Variants in MOB3B observed in about 807,000 individuals in gnomAD.
MOB3B encodes the protein MOB kinase activator-like 2B.
In MOB3B, 7 loss-of-function variants were observed where a neutral mutation model predicts 18.7. The observed-to-expected ratio is 0.37, with a 90% CI of 0.21 to 0.70. The LOEUF is 0.70. Ranked by LOEUF, MOB3B falls within the 30% of genes least tolerant of loss-of-function variation. The pLI is 0.52. For synonymous variants in MOB3B, 111 were observed against 99.9 expected, an observed-to-expected ratio of 1.11 and a Z score of -0.66; for missense variants, 253 against 281.3, an observed-to-expected ratio of 0.90 and a Z score of 0.72.
chr9:27,483,273 C>T (rs1487974375), intron 1 of MOB3B, among the ~76,000 whole-genome samples: 1 of 151,786 alleles, frequency 6.6e-6, no homozygotes, highest in African/African-American at 2.4e-5. Flanking sequence ...GCTGGGACTA[C>T]AGGCGCCCGC....
intron 1 of MOB3B, among the ~76,000 whole-genome samples, chr9:27,528,039 T>A (rs1820463103): frequency 6.6e-6 from 1 of 152,216 alleles, no homozygotes; most frequent in African/African-American, 2.4e-5. Flanking sequence ...TTGCGTCGTC[T>A]GAGTCCTCTT....
chr9:27,487,153 A>AAATAAATAAATAAATAAATAAATAAAAT (rs1241652908), intron 1 of MOB3B, among the ~76,000 whole-genome samples: 535 of 22,856 alleles, frequency 0.023, 2 homozygotes, highest in African/African-American at 0.033. Flanking sequence ...ATAAATAAAT[A>AAATAAATAAATAAATAAATAAATAAAAT]AAATAAATAA....
rs367956970 is a variant in MOB3B, at chr9:27,335,294, T to C, written c.622-4678A>G. The stretch of plus-strand genomic sequence containing the variant: ...GCTGGGAGGAAACATGGGTGTCACC[T>C]ACTCCAACACTTTAATTTCGGAGAT... On this transcript the variant is annotated intron_variant, in intron 3 of 3. Transcript: ENST00000262244. 3.9e-5 allele frequency among the ~76,000 whole-genome samples: 6 copies of C among 152,216 alleles called. No individual in the cohort carries two copies. The East Asian group carries it at 9.6e-4, about 24-fold the overall frequency.
chr9:27,441,967 C>T (rs1170595722), intron 2 of MOB3B, among the ~76,000 whole-genome samples: 2 of 152,090 alleles, frequency 1.3e-5, no homozygotes, highest in Non-Finnish European at 2.9e-5. Context: ...ACTGAAAATG[C>T]AGAAGCGGAT....
At chr9:27,442,690 T>C (rs970500697) in intron 2 of MOB3B, among the ~76,000 whole-genome samples, 2 of 152,312 alleles carry the variant, frequency 1.3e-5, no homozygotes, top group South Asian at 4.1e-4. Flanking sequence ...CATGCAAGCC[T>C]AAGGTGGCAG....
chr9:27,432,487 A>G (rs1822432005), intron 2 of MOB3B, among the ~76,000 whole-genome samples: 1 of 152,164 alleles, frequency 6.6e-6, no homozygotes, highest in African/African-American at 2.4e-5. Context: ...TATGCCCTGC[A>G]ATGCCTTATC....
At chr9:27,352,217 C>T (rs1587148735) in intron 3 of MOB3B, among the ~76,000 whole-genome samples, 1 of 151,600 alleles carries the variant, frequency 6.6e-6, no homozygotes, top group African/African-American at 2.4e-5. Context: ...CCTGTCTCTA[C>T]AAAAAATTTA....
rs1486754946 is a variant in MOB3B, at chr9:27,367,782, T to C, written c.419-8546A>G. 2.6e-5 allele frequency among the ~76,000 whole-genome samples: 4 copies of C among 152,202 alleles called. No individual in the cohort carries two copies. The South Asian group carries it at 8.3e-4, about 32-fold the overall frequency. ...TGCCTCTTCTCCAAAGGATAAACTC[T>C]TCTTGGAAAGTATACTTGGAAGACA... On this transcript the variant is annotated intron_variant, in intron 2 of 3. Transcript: ENST00000262244.
chr9:27,391,028 A>G (rs1821720603), intron 2 of MOB3B, among the ~76,000 whole-genome samples: 1 of 152,180 alleles, frequency 6.6e-6, no homozygotes, highest in South Asian at 2.1e-4. Context: ...AGTCTACAGC[A>G]TTTTCTTATA....
At chr9:27,335,107 A>G (rs1432360277) in intron 3 of MOB3B, among the ~76,000 whole-genome samples, 2 of 152,240 alleles carry the variant, frequency 1.3e-5, no homozygotes, top group East Asian at 1.9e-4. Flanking sequence ...GCCTGGCCCA[A>G]GAAGCTAATT....
chr9:27,503,775 GA>G (rs1820021043), intron 1 of MOB3B, among the ~76,000 whole-genome samples: 1 of 152,246 alleles, frequency 6.6e-6, no homozygotes, highest in Non-Finnish European at 1.5e-5. Flanking sequence ...GCCTCTCAAA[GA>G]AGCATGCTTA....
At chr9:27,457,376 C>T (rs1042952180) in intron 1 of MOB3B, among the ~76,000 whole-genome samples, 8 of 152,204 alleles carry the variant, frequency 5.3e-5, no homozygotes, top group East Asian at 3.9e-4. Flanking sequence ...GAGCCCAACA[C>T]GGAATCTGTT....
At chr9:27,391,179 G>A (rs1821722331) in intron 2 of MOB3B, among the ~76,000 whole-genome samples, 1 of 152,242 alleles carries the variant, frequency 6.6e-6, no homozygotes, top group Non-Finnish European at 1.5e-5. Flanking sequence ...GGGAAGAAGA[G>A]AGCTTTGGTT....
intron 2 of MOB3B, among the ~76,000 whole-genome samples, chr9:27,431,416 G>T (rs1054348838): frequency 1.3e-5 from 2 of 152,180 alleles, no homozygotes; most frequent in South Asian, 4.1e-4. Context: ...AATCTTCTTG[G>T]ATATTTCTTC....
At chr9:27,473,544 T>C (rs952752250) in intron 1 of MOB3B, among the ~76,000 whole-genome samples, 3 of 152,042 alleles carry the variant, frequency 2.0e-5, no homozygotes, top group Non-Finnish European at 4.4e-5. Context: ...AGGAGGGCCA[T>C]GGGCCTCTGG....
At position 27,348,543 on chromosome 9, in the gene MOB3B, C is replaced by T. The variant is rs1821062285; in HGVS notation, c.621+10491G>A. ...TAGCATGCACCTCTCATTCCAGCTG[C>T]TCTGGAGGCTGAGGCAGGAGAATCG... On this transcript the variant is annotated intron_variant, in intron 3 of 3. Transcript: ENST00000262244. Among the ~76,000 whole-genome samples, 5 of 151,846 alleles carry T rather than the reference C, an allele frequency of 3.3e-5. No homozygotes were observed. The South Asian group carries it at 1.0e-3, about 32-fold the overall frequency.
intron 2 of MOB3B, among the ~76,000 whole-genome samples, chr9:27,441,313 C>T (rs1822591896): frequency 6.6e-6 from 1 of 152,168 alleles, no homozygotes; most frequent in Non-Finnish European, 1.5e-5. Flanking sequence ...GCAACCTTAG[C>T]CTACAATTTT....
intron 1 of MOB3B, among the ~76,000 whole-genome samples, chr9:27,513,119 T>A (rs1820171317): frequency 6.6e-6 from 1 of 152,250 alleles, no homozygotes; most frequent in African/African-American, 2.4e-5. Context: ...AACTATCATG[T>A]TAATTCAGTA....
chr9:27,459,489 T>C (rs556678954), intron 1 of MOB3B, among the ~76,000 whole-genome samples: 1 of 152,250 alleles, frequency 6.6e-6, no homozygotes, highest in Admixed American at 6.5e-5. Context: ...CAAAAGTATA[T>C]GATCTGAGAA....
Sources: gnomAD v4.1 joint callset for allele counts (sites outside exome capture counted in the v4.1 genomes callset) on GRCh38, gnomAD v4.1.1 for gene constraint, MANE v1.5 for transcripts, NCBI Gene and HGNC (gene_info 2026-07-23, HGNC 2026-07-21) for gene names.